The following NRXN3 variants were observed in gnomAD, a reference collection of about 807,000 sequenced individuals.
NRXN3 encodes neurexin III.
NRXN3 carries 32 observed loss-of-function variants against 137.6 expected under a neutral mutation model. The ratio of observed to expected loss-of-function variants is 0.23; its 90% confidence interval spans 0.18 to 0.31. NRXN3 has a LOEUF of 0.31. Ranked by LOEUF, NRXN3 falls within the 10% of genes least tolerant of loss-of-function variation. The pLI, the probability that NRXN3 is intolerant of heterozygous loss-of-function variation, is 1.00. For missense variants in NRXN3, 1,574 were observed against 2,062.5 expected (o/e 0.76, Z 4.59); for synonymous variants, 798 against 784.5 (o/e 1.02, Z -0.29).
chr14:79,260,126 A>G (rs1003704506), intron 15 of NRXN3, among the ~76,000 whole-genome samples: 1 of 152,166 alleles, frequency 6.6e-6, no homozygotes, highest in East Asian at 1.9e-4. Context: ...TATTTTTGAT[A>G]TGTACAAATA....
At chr14:79,786,717 C>T (rs969073404) in intron 19 of NRXN3, among the ~76,000 whole-genome samples, 1 of 152,318 alleles carries the variant, frequency 6.6e-6, no homozygotes, top group South Asian at 2.1e-4. Flanking sequence ...ACTCTGTTAA[C>T]TGCCCAATGT....
At chr14:79,708,160 TA>T (rs1567961429) in intron 19 of NRXN3, among the ~76,000 whole-genome samples, 2 of 152,146 alleles carry the variant, frequency 1.3e-5, no homozygotes, top group Non-Finnish European at 1.5e-5. Context: ...AAAATATTTT[TA>T]AAAAATTGTG....
intron 16 of NRXN3, among the ~76,000 whole-genome samples, chr14:79,504,269 GA>G (rs901004427): frequency 1.1e-4 from 16 of 152,144 alleles, no homozygotes; most frequent in Admixed American, 5.9e-4. Context: ...ATTTTTTTGA[GA>G]CAGATTGTTA....
chr14:79,118,564 C>A (rs539995575), intron 15 of NRXN3, among the ~76,000 whole-genome samples: 1 of 152,306 alleles, frequency 6.6e-6, no homozygotes, highest in South Asian at 2.1e-4. Context: ...AAGTGAGGAA[C>A]CGTGGCAACA....
At chr14:79,327,340 G>A (rs2091043175) in intron 15 of NRXN3, among the ~76,000 whole-genome samples, 1 of 152,092 alleles carries the variant, frequency 6.6e-6, no homozygotes, top group African/African-American at 2.4e-5. Context: ...TGATTCAAGG[G>A]TCAAAAATGG....
intron 6 of NRXN3, among the ~76,000 whole-genome samples, chr14:78,657,022 G>A (rs1856142210): frequency 7.2e-6 from 1 of 139,404 alleles, no homozygotes; most frequent in Non-Finnish European, 1.5e-5. Flanking sequence ...ACTCCAGCCT[G>A]GGCGACAGAG....
At chr14:78,223,606 GT>G (rs2064116672) in intron 1 of NRXN3, among the ~76,000 whole-genome samples, 1 of 152,198 alleles carries the variant, frequency 6.6e-6, no homozygotes, top group Admixed American at 6.5e-5. Context: ...AGGTTTCAGC[GT>G]TGGGTTGTGC....
chr14:78,681,415 A>G (rs77554446), intron 6 of NRXN3, among the ~76,000 whole-genome samples: 1 of 152,296 alleles, frequency 6.6e-6, no homozygotes, highest in Non-Finnish European at 1.5e-5. Flanking sequence ...ATAAGTAGGA[A>G]TCGGGATTGG....
At chr14:78,863,592 C>T (rs1469599168) in intron 10 of NRXN3, among the ~76,000 whole-genome samples, 1 of 152,108 alleles carries the variant, frequency 6.6e-6, no homozygotes, top group Non-Finnish European at 1.5e-5. Context: ...TTTATACCTA[C>T]AGCCTTCCCA....
At chr14:79,627,531 T>G (rs958458593) in intron 16 of NRXN3, among the ~76,000 whole-genome samples, 25 of 152,220 alleles carry the variant, frequency 1.6e-4, no homozygotes, top group African/African-American at 5.8e-4. Context: ...CCTTATTCAT[T>G]ATTATTGCTT....
intron 16 of NRXN3, among the ~76,000 whole-genome samples, chr14:79,486,254 G>A (rs1405588611): frequency 6.6e-6 from 1 of 152,062 alleles, no homozygotes; most frequent in African/African-American, 2.4e-5. Flanking sequence ...TAGTGCCAGG[G>A]TCTCCAAATG....
intron 4 of NRXN3, among the ~76,000 whole-genome samples, chr14:78,642,456 G>A (rs2097645426): frequency 6.6e-6 from 1 of 152,176 alleles, no homozygotes; most frequent in Non-Finnish European, 1.5e-5. Flanking sequence ...CCCCTTTGAA[G>A]GGTACTGGAT....
intron 4 of NRXN3, among the ~76,000 whole-genome samples, chr14:78,432,338 A>C (rs1218836676): frequency 1.2e-4 from 18 of 144,854 alleles, no homozygotes; most frequent in African/African-American, 3.7e-4. Flanking sequence ...TCCTTTCTCC[A>C]CCATGTGTGC....
chr14:78,295,137 G>T (rs1005361994), intron 3 of NRXN3, among the ~76,000 whole-genome samples: 2 of 152,174 alleles, frequency 1.3e-5, no homozygotes, highest in African/African-American at 4.8e-5. Context: ...GCAAGAAAAT[G>T]TACTGATGTA....
intron 4 of NRXN3, among the ~76,000 whole-genome samples, chr14:78,565,090 C>T (rs1566761643): frequency 6.6e-6 from 1 of 152,170 alleles, no homozygotes; most frequent in Non-Finnish European, 1.5e-5. Flanking sequence ...TAACTGTGCC[C>T]TGTGTGTTTT....
intron 4 of NRXN3, among the ~76,000 whole-genome samples, chr14:78,531,831 C>A (rs1236887169): frequency 1.3e-5 from 2 of 152,114 alleles, no homozygotes; most frequent in Non-Finnish European, 2.9e-5. Flanking sequence ...TTTTATGCTT[C>A]TTTTCTAGGA....
intron 4 of NRXN3, among the ~76,000 whole-genome samples, chr14:78,553,748 A>G (rs1294057848): frequency 6.6e-6 from 1 of 152,144 alleles, no homozygotes; most frequent in African/African-American, 2.4e-5. Context: ...CCCTCATCCA[A>G]CTTATCTAAA....
chr14:78,873,563 C>A (rs1596759994), intron 10 of NRXN3, among the ~76,000 whole-genome samples: 1 of 152,188 alleles, frequency 6.6e-6, no homozygotes, highest in South Asian at 2.1e-4. Context: ...CAAGAAACAT[C>A]ATTTCAGTTA....
chr14:79,085,948 CA>C (rs1200803772), intron 15 of NRXN3, among the ~76,000 whole-genome samples: 2 of 152,056 alleles, frequency 1.3e-5, no homozygotes, highest in Middle Eastern at 3.2e-3. Flanking sequence ...TTGAGATCAG[CA>C]AAAAAGTTCA....
Sources: gnomAD v4.1 joint callset for allele counts (sites outside exome capture counted in the v4.1 genomes callset) on GRCh38, gnomAD v4.1.1 for gene constraint, MANE v1.5 for transcripts, NCBI Gene and HGNC (gene_info 2026-07-23, HGNC 2026-07-21) for gene names.